The following CHMP3 variants were observed in gnomAD, a reference collection of about 807,000 sequenced individuals.
CHMP3 encodes the protein 25.1 protein.
In CHMP3, 8 loss-of-function variants were observed where a neutral mutation model predicts 27.4. The ratio of observed to expected loss-of-function variants is 0.29; its 90% CI spans 0.17 to 0.53. The LOEUF is 0.53. CHMP3 is among the 20% of genes least tolerant of loss of function. The pLI is 0.96. For missense variants in CHMP3, 208 were observed against 271.5 expected (o/e 0.77, Z 1.64); for synonymous variants, 86 against 85.5 (o/e 1.01, Z -0.03).
At chr2:86,555,512 T>A (rs71337800) in intron 1 of CHMP3, among the ~76,000 whole-genome samples, 94,443 of 144,836 alleles carry the variant, frequency 0.65, 31,061 homozygotes, top group East Asian at 0.83. Flanking sequence ...AAAAAAAAAA[T>A]AAATAAATAA....
At chr2:86,514,864 C>A (rs574106108) in intron 3 of CHMP3, among the ~76,000 whole-genome samples, 1 of 152,100 alleles carries the variant, frequency 6.6e-6, no homozygotes, top group South Asian at 2.1e-4. Context: ...GGCAAATTTT[C>A]GTACATATAT....
chr2:86,534,206 T>C (rs1676041030), intron 2 of CHMP3, among the ~76,000 whole-genome samples: 2 of 132,462 alleles, frequency 1.5e-5, no homozygotes, highest in Non-Finnish European at 3.1e-5. Flanking sequence ...CTTTTTTTTT[T>C]TTTTTTTTTT....
chr2:86,530,609 T>C (rs2103949152), intron 2 of CHMP3, among the ~76,000 whole-genome samples: 1 of 152,364 alleles, frequency 6.6e-6, no homozygotes, highest in South Asian at 2.1e-4. Flanking sequence ...CTTGGGTTAC[T>C]TCCAACTTTT....
intron 2 of CHMP3, among the ~76,000 whole-genome samples, chr2:86,534,191 T>C (rs1161136218): frequency 7.1e-6 from 1 of 141,778 alleles, no homozygotes; most frequent in Admixed American, 7.5e-5. Flanking sequence ...CCAATTGCTT[T>C]ATTTCTTTTT....
chr2:86,536,575 C>A (rs190215749), intron 2 of CHMP3, among the ~76,000 whole-genome samples: 1 of 152,258 alleles, frequency 6.6e-6, no homozygotes, highest in East Asian at 1.9e-4. Flanking sequence ...TAAAATCTTA[C>A]GAGGATCCTT....
At chr2:86,526,764 T>C (rs1427366258) in intron 3 of CHMP3, among the ~76,000 whole-genome samples, 1 of 151,936 alleles carries the variant, frequency 6.6e-6, no homozygotes, top group East Asian at 1.9e-4. Flanking sequence ...GAGACAGGGT[T>C]TCATTATGTT....
intron 3 of CHMP3, among the ~76,000 whole-genome samples, chr2:86,527,885 TG>T (rs111465969): frequency 0.2 from 29,646 of 151,874 alleles, 3,749 homozygotes; most frequent in African/African-American, 0.35. Context: ...CGCTTGAGCC[TG>T]GGAGGCGCAG....
chr2:86,521,702 T>C (rs1018190280), intron 3 of CHMP3, among the ~76,000 whole-genome samples: 1 of 152,232 alleles, frequency 6.6e-6, no homozygotes, highest in African/African-American at 2.4e-5. Context: ...TTTGAGGTGC[T>C]CATTTCACTT....
intron 1 of CHMP3, among the ~76,000 whole-genome samples, chr2:86,545,390 G>A (rs1407087573): frequency 5.0e-5 from 7 of 139,454 alleles, no homozygotes; most frequent in East Asian, 2.3e-4. Flanking sequence ...CGGGGTGGCC[G>A]GGCAGAGGCG....
At chr2:86,519,902 C>G (rs550685471) in intron 3 of CHMP3, among the ~76,000 whole-genome samples, 1 of 152,196 alleles carries the variant, frequency 6.6e-6, no homozygotes, top group Admixed American at 6.5e-5. Context: ...ATTCAGCAAG[C>G]CTTAAAGAAA....
intron 1 of CHMP3, among the ~76,000 whole-genome samples, chr2:86,557,755 G>A (rs1677182128): frequency 6.6e-6 from 1 of 151,990 alleles, no homozygotes; most frequent in Non-Finnish European, 1.5e-5. Context: ...GACCGTCCCT[G>A]ACCAGCTTCC....
intron 1 of CHMP3, among the ~76,000 whole-genome samples, chr2:86,560,210 A>G (rs1352671426): frequency 6.6e-6 from 1 of 152,152 alleles, no homozygotes; most frequent in Non-Finnish European, 1.5e-5. Context: ...GGTTGCAGTG[A>G]GCTGAGATCG....
At chr2:86,520,047 C>T (rs938282359) in intron 3 of CHMP3, among the ~76,000 whole-genome samples, 2 of 152,132 alleles carry the variant, frequency 1.3e-5, no homozygotes, top group African/African-American at 4.8e-5. Flanking sequence ...GTTAGACTAA[C>T]AAAAGCAAAC....
intron 3 of CHMP3, among the ~76,000 whole-genome samples, chr2:86,513,343 GAGTT>G (rs1675176441): frequency 6.6e-6 from 1 of 152,206 alleles, no homozygotes; most frequent in African/African-American, 2.4e-5. Context: ...TGGTTGCCAA[GAGTT>G]AGTAGGGAAA....
intron 3 of CHMP3, chr2:86,512,574 A>G (rs1204336284): frequency 1.3e-5 from 2 of 152,210 alleles, no homozygotes; most frequent in Non-Finnish European, 2.9e-5. Flanking sequence ...CACACCTTCA[A>G]AAGAATGAAA....
At chr2:86,561,641 G>A (rs906559992) in intron 1 of CHMP3, 1 of 152,062 alleles carries the variant, frequency 6.6e-6, no homozygotes, top group South Asian at 2.1e-4. Context: ...TTACCTGTTC[G>A]GCTCTGGCAA....
At chr2:86,507,655 C>T (rs3731811) in intron 4 of CHMP3, 62 bp from the exon 5 acceptor site, 31,555 of 1,432,920 alleles carry the variant, frequency 0.022, 464 homozygotes, top group East Asian at 0.054. Context: ...AGACACCCTA[C>T]ACATCACCTA....
At chr2:86,536,793 T>TCTG (rs1676161809) in intron 2 of CHMP3, among the ~76,000 whole-genome samples, 1 of 152,246 alleles carries the variant, frequency 6.6e-6, no homozygotes, top group Admixed American at 6.5e-5. Flanking sequence ...AAATAATCTC[T>TCTG]CTGCACCTTT....
intron 3 of CHMP3, among the ~76,000 whole-genome samples, chr2:86,520,289 C>T (rs1055385334): frequency 3.3e-5 from 5 of 152,132 alleles, no homozygotes; most frequent in Non-Finnish European, 5.9e-5. Context: ...GCTGTACAGG[C>T]TTCTGCTTCT....
Sources: gnomAD v4.1 joint callset for allele counts (sites outside exome capture counted in the v4.1 genomes callset) on GRCh38, gnomAD v4.1.1 for gene constraint, MANE v1.5 for transcripts, NCBI Gene and HGNC (gene_info 2026-07-23, HGNC 2026-07-21) for gene names.